The following LAMB4 variants were observed in gnomAD, a reference collection of about 807,000 sequenced individuals.
LAMB4 encodes laminin subunit beta-4.
In LAMB4, 196 loss-of-function variants were observed where a neutral mutation model predicts 199.2. That is an observed-to-expected ratio of 0.98 (90% CI 0.88 to 1.11). The LOEUF (loss-of-function observed/expected upper bound fraction) is 1.11, where lower values mean the gene tolerates loss of function less well. Among genes scored for constraint, LAMB4 ranks in the 50% least tolerant of loss-of-function variants. The probability of loss-of-function intolerance (pLI) is 0.00; values close to 1 mark genes in which losing one functional copy is unlikely to be tolerated. For synonymous variants in LAMB4, 744 were observed against 770.6 expected (o/e 0.97, Z 0.57); for missense variants, 2,080 against 2,171.2 (o/e 0.96, Z 0.83).
intron 17 of LAMB4, among the ~76,000 whole-genome samples, chr7:108,071,629 T>C (rs1109110): frequency 0.16 from 24,199 of 152,184 alleles, 3,254 homozygotes; most frequent in African/African-American, 0.37. Context: ...CACTTGCCTC[T>C]TTGCTATCAA....
intron 1 of LAMB4, among the ~76,000 whole-genome samples, chr7:108,125,905 G>A (rs2038762663): frequency 6.6e-6 from 1 of 152,174 alleles, no homozygotes; most frequent in South Asian, 2.1e-4. Context: ...TTCTCTTCAA[G>A]CAACAATAAA....
At chr7:108,102,953 G>A (rs1004162362) in intron 10 of LAMB4, 91 bp downstream of exon 10, 11 of 1,141,620 alleles carry the variant, frequency 9.6e-6, no homozygotes, top group Admixed American at 4.9e-5. Flanking sequence ...TGGAGATGCC[G>A]TTAAGCAGAT....
chr7:108,125,105 C>G (rs1255007782), intron 1 of LAMB4, among the ~76,000 whole-genome samples: 2 of 152,174 alleles, frequency 1.3e-5, no homozygotes, highest in Non-Finnish European at 2.9e-5. Context: ...TGAGCTCTAC[C>G]TGTTGGAAAA....
chr7:108,041,833 A>G (rs887782331), intron 29 of LAMB4, among the ~76,000 whole-genome samples: 4 of 152,200 alleles, frequency 2.6e-5, no homozygotes, highest in Admixed American at 6.5e-5. Flanking sequence ...AATCTGTACA[A>G]CAAACCCCTG....
Position 108,092,432 on chromosome 7 carries a change from G to T in LAMB4, c.1471-16C>A. On this transcript the variant is annotated splice_polypyrimidine_tract_variant and intron_variant, in intron 12 of 33. Transcript: ENST00000388781. ...AGTATCCAACCTACAGAGAAAAAAT[G>T]CTCAGCTGATTCCAGCTATGAAGAT... The T allele has an allele frequency of 1.3e-6, 2 of 1,599,186 alleles. No individual in the cohort carries two copies. Among genetic ancestry groups the T allele is most frequent in the Non-Finnish European group, 1.7e-6 (2 of 1,166,480 alleles).
chr7:108,103,786 G>T lies in LAMB4; in HGVS notation c.992-554C>A, dbSNP rs551149266. Among the ~76,000 whole-genome samples, 3 of 152,286 alleles carry T rather than the reference G, an allele frequency of 2.0e-5. No homozygotes were observed. In the East Asian group the frequency reaches 5.8e-4, roughly 29 times the overall value. ...TTGTCTTCATGATAATGTCTACACT[G>T]TTTGTCTTTTTGTTTCTTTTCCTGT... is the stretch of plus-strand genomic sequence containing the variant. On this transcript the variant is annotated intron_variant, in intron 9 of 33. Coordinates refer to ENST00000388781, the MANE Select transcript of LAMB4 (RefSeq NM_007356.3).
At chr7:108,055,493 G>T in intron 25 of LAMB4, 139 bp downstream of exon 25, 1 of 946,890 alleles carries the variant, frequency 1.1e-6, no homozygotes, top group Non-Finnish European at 1.6e-6. Context: ...GGCCCAGCCT[G>T]GTTATTAACT....
Position 108,103,296 on chromosome 7 carries a change from C to T in LAMB4, c.992-64G>A. On this transcript the variant is annotated intron_variant, in intron 9 of 33. Coordinates refer to ENST00000388781, the MANE Select transcript of LAMB4 (RefSeq NM_007356.3). Reference sequence around the variant, plus strand: ...CCTCGGGTGGCACAGCCAGTGCCCCCGCACTGGTCAGGGCACCCGCTAGTC... The same window carrying T: ...CCTCGGGTGGCACAGCCAGTGCCCCTGCACTGGTCAGGGCACCCGCTAGTC... The T allele has an allele frequency of 5.9e-6, 8 of 1,355,496 alleles. No homozygotes were observed. In the East Asian group the frequency reaches 1.0e-4, roughly 17 times the overall value. 84.0% of individuals were successfully genotyped at this position (1,355,496 alleles called of 1,614,324 possible). A position where few individuals can be genotyped will look rare whatever the true frequency, so the allele number is the denominator to read the frequency against.
rs369035830 is a variant in LAMB4 at position 108,055,717 on chromosome 7, C to T, written c.3670G>A (p.Val1224Met). The change falls in exon 25 of 34, where the codon GTG becomes ATG. Residue 1224 changes from valine (V) to methionine (M), a missense_variant. By Grantham distance (21) the Val-to-Met change is conservative. Coordinates refer to ENST00000388781, the MANE Select transcript of LAMB4 (RefSeq NM_007356.3). The part of the protein sequence containing the change: ...EADFKDLRGN[V>M]SEIERILKHP... ...TTCAAAATCCTTTCTATTTCAGACACGTTCCCTCTGAGGTCTTTGAAGTCT... is the reference window on the plus strand; with the variant it reads ...TTCAAAATCCTTTCTATTTCAGACATGTTCCCTCTGAGGTCTTTGAAGTCT... The T allele has an allele frequency of 6.4e-5, 104 of 1,614,076 alleles. No homozygotes were observed. The highest frequency in any genetic ancestry group is 1.3e-4 in the African/African-American group (10 of 75,060).
At chr7:108,100,857 A>G (rs946031229) in intron 10 of LAMB4, among the ~76,000 whole-genome samples, 6 of 152,222 alleles carry the variant, frequency 3.9e-5, no homozygotes, top group Non-Finnish European at 4.4e-5. Flanking sequence ...CTCTAAAGAA[A>G]TACATTTTCT....
intron 23 of LAMB4, among the ~76,000 whole-genome samples, chr7:108,060,990 G>A (rs909947496): frequency 6.6e-6 from 1 of 152,196 alleles, no homozygotes; most frequent in Non-Finnish European, 1.5e-5. Flanking sequence ...AGGTGACCAA[G>A]ACTGACATTA....
rs373890624 is a variant in LAMB4 at position 108,092,377 on chromosome 7, A to G, written c.1510T>C (p.Ser504Pro). Residue 504 changes from serine (S) to proline (P), a missense_variant, in exon 13 of 34, where the codon TCT (serine) becomes CCT (proline). Ser to Pro is a moderately conservative substitution (Grantham distance 74, BLOSUM62 -1). Coordinates refer to ENST00000388781, the MANE Select transcript of LAMB4 (RefSeq NM_007356.3). ...CCTCCAATATCACAGTCACAGGGAGAACACCCATGGAGATGATTTCCCAGG... is the reference window on the plus strand; with the variant it reads ...CCTCCAATATCACAGTCACAGGGAGGACACCCATGGAGATGATTTCCCAGG... Reference protein sequence around the residue: ...WGLGNHLHGCSPCDCDIGGAY... With the variant: ...WGLGNHLHGCPPCDCDIGGAY... The G allele has an allele frequency of 1.4e-5, 23 of 1,613,928 alleles. No individual in the cohort carries two copies. The African/African-American group carries it at 2.7e-4, about 19-fold the overall frequency.
intron 3 of LAMB4, among the ~76,000 whole-genome samples, chr7:108,112,807 T>C (rs1460845151): frequency 6.6e-6 from 1 of 152,210 alleles, no homozygotes; most frequent in Non-Finnish European, 1.5e-5. Context: ...GGGCTGATCA[T>C]TATAACCTTC....
At chr7:108,086,780 C>G (rs184032542) in intron 14 of LAMB4, among the ~76,000 whole-genome samples, 302 of 152,270 alleles carry the variant, frequency 2.0e-3, no homozygotes, top group African/African-American at 7.1e-3. Context: ...TGTCATGAAC[C>G]ACCCATATTA....
At chr7:108,079,865 C>T (rs760690749) in intron 14 of LAMB4, 79 bp from the exon 15 acceptor site, 52 of 997,540 alleles carry the variant, frequency 5.2e-5, no homozygotes, top group Non-Finnish European at 6.5e-5. Context: ...TCCCCCACTG[C>T]ACCACCCCCT....
chr7:108,103,950 A>C (rs1367938540), intron 9 of LAMB4, among the ~76,000 whole-genome samples: 1 of 152,206 alleles, frequency 6.6e-6, no homozygotes, highest in Non-Finnish European at 1.5e-5. Context: ...AAAGAAATTG[A>C]ATAACAAATT....
chr7:108,069,985 A>C, intron 17 of LAMB4, 100 bp from the exon 18 acceptor site: 1 of 884,118 alleles, frequency 1.1e-6, no homozygotes, highest in South Asian at 2.2e-5. Flanking sequence ...AATGGTTCAA[A>C]GAAGACTCAA....
At position 108,079,670 on chromosome 7, in the gene LAMB4, GCCAGCCCCAGGGAGAACCCTGGCAAAT is replaced by G; in HGVS notation, c.1791_1817del (p.Phe598_Gly606del). 3 of 1,613,194 alleles carry G rather than the reference GCCAGCCCCAGGGAGAACCCTGGCAAAT, an allele frequency of 1.9e-6. No individual in the cohort carries two copies. The highest frequency in any genetic ancestry group is 2.5e-6 in the Non-Finnish European group (3 of 1,179,694). On this transcript the variant is annotated inframe_deletion, in exon 15 of 34. Coordinates refer to ENST00000388781, the MANE Select transcript of LAMB4 (RefSeq NM_007356.3). ...GAATGTTGTTGACAGCAAATCTCAA[GCCAGCCCCAGGGAGAACCCTGGCAAAT>G]CCAGGTCCAGTCCATGTAACAGGGT...
At chr7:108,107,060 CA>C (rs891490507) in intron 6 of LAMB4, among the ~76,000 whole-genome samples, 50 of 152,284 alleles carry the variant, frequency 3.3e-4, no homozygotes, top group African/African-American at 1.2e-3. Flanking sequence ...GCAGAAAAGT[CA>C]AAAAGAGTGC....
Sources: allele counts gnomAD v4.1 joint callset (sites outside exome capture counted in the v4.1 genomes callset), GRCh38; gene constraint gnomAD v4.1.1; transcripts MANE v1.5; gene names NCBI Gene and HGNC (gene_info 2026-07-23, HGNC 2026-07-21).